CRIM1: variants seen among roughly 807,000 people sequenced by gnomAD.
CRIM1 encodes cysteine-rich motor neuron 1 protein.
A neutral mutation model predicts 116.4 loss-of-function variants in CRIM1; 32 were observed. The observed-to-expected ratio is 0.27, with a 90% CI of 0.21 to 0.37. CRIM1 has a LOEUF of 0.37. CRIM1 is among the 10% of genes least tolerant of loss of function. The probability of loss-of-function intolerance (pLI) is 1.00; values close to 1 mark genes in which losing one functional copy is unlikely to be tolerated. For missense variants in CRIM1, 1,331 were observed against 1,354.8 expected (o/e 0.98, Z 0.28); for synonymous variants, 590 against 509.2 (o/e 1.16, Z -2.13).
intron 15 of CRIM1, among the ~76,000 whole-genome samples, chr2:36,546,577 C>G (rs376838609): frequency 7.9e-5 from 12 of 152,142 alleles, no homozygotes; most frequent in African/African-American, 2.6e-4. Flanking sequence ...TTGTTCTAGT[C>G]TCCTGTTTGC....
chr2:36,498,859 T>A (rs1426694361), intron 7 of CRIM1, among the ~76,000 whole-genome samples: 1 of 152,180 alleles, frequency 6.6e-6, no homozygotes, highest in Admixed American at 6.5e-5. Context: ...TTATAAAAAA[T>A]AAACCGGAAA....
At chr2:36,476,491 T>G (rs935984114) in intron 5 of CRIM1, among the ~76,000 whole-genome samples, 1 of 151,770 alleles carries the variant, frequency 6.6e-6, no homozygotes, top group Non-Finnish European at 1.5e-5. Context: ...CATAATAAAA[T>G]TTTTGAAGCA....
chr2:36,466,312 G>A (rs1472683398), intron 5 of CRIM1, among the ~76,000 whole-genome samples: 7 of 152,042 alleles, frequency 4.6e-5, no homozygotes, highest in African/African-American at 1.7e-4. Flanking sequence ...AAGCATACAG[G>A]AAAGGGGAAC....
Position 36,441,440 on chromosome 2 carries a change from C to G in CRIM1, c.688C>G (p.Leu230Val), listed in dbSNP as rs1247027840. 1.2e-6 allele frequency: 2 copies of G among 1,613,996 alleles called. No individual in the cohort carries two copies. Among genetic ancestry groups the G allele is most frequent in the African/African-American group, 1.3e-5 (1 of 75,058 alleles). The change falls in exon 3 of 17, where the codon CTA becomes GTA. Residue 230 changes from leucine (L) to valine (V), a missense_variant. Transcript: ENST00000280527. ...CTGCCAGCCGGGAAACCTGAACATA[C>G]TAGTGTCAAAAGCCTCAGGGAAGCC... is the stretch of plus-strand genomic sequence containing the variant. ...KVCQPGNLNI[L>V]VSKASGKPGE...
intron 2 of CRIM1, among the ~76,000 whole-genome samples, chr2:36,415,421 A>G (rs569914422): frequency 6.6e-6 from 1 of 152,300 alleles, no homozygotes; most frequent in African/African-American, 2.4e-5. Context: ...ACAGCTCTTC[A>G]GCTTTGTCTT....
At chr2:36,509,418 T>C (rs895699300) in intron 8 of CRIM1, among the ~76,000 whole-genome samples, 1 of 152,124 alleles carries the variant, frequency 6.6e-6, no homozygotes, top group African/African-American at 2.4e-5. Context: ...TCACAGATGC[T>C]TGGGAGGCTG....
chr2:36,537,522 G>A lies in CRIM1; in HGVS notation c.2599G>A (p.Gly867Arg), dbSNP rs150521584. The change falls in exon 14 of 17, where the codon GGA becomes AGA. Residue 867 changes from glycine (G) to arginine (R), a missense_variant. Gly to Arg is a moderately radical substitution (Grantham distance 125). Coordinates refer to ENST00000280527, the MANE Select transcript of CRIM1 (RefSeq NM_016441.3). ...LPCVEPINVE[G>R]SCCPMCPEMY... is the part of the protein sequence containing the mutation. ...CTGTGTTGAGCCCATCAACGTGGAAGGAAGTTGCTGCCCAATGTGTCCAGG... is the reference window on the plus strand; with the variant it reads ...CTGTGTTGAGCCCATCAACGTGGAAAGAAGTTGCTGCCCAATGTGTCCAGG... The A allele has an allele frequency of 3.1e-6, 5 of 1,612,184 alleles. No homozygotes were observed. The highest frequency in any genetic ancestry group is 4.2e-6 in the Non-Finnish European group (5 of 1,179,326).
At chr2:36,364,565 C>G (rs887812263) in intron 1 of CRIM1, among the ~76,000 whole-genome samples, 12 of 152,170 alleles carry the variant, frequency 7.9e-5, no homozygotes, top group African/African-American at 2.9e-4. Flanking sequence ...ACAAGAAAGA[C>G]CTGAGGGTCT....
intron 4 of CRIM1, among the ~76,000 whole-genome samples, chr2:36,448,725 A>G (rs1676450650): frequency 6.6e-6 from 1 of 152,290 alleles, no homozygotes; most frequent in South Asian, 2.1e-4. Flanking sequence ...TCTGTTATCA[A>G]TTTGTTTTAT....
chr2:36,445,208 C>A (rs1269476409), intron 4 of CRIM1, among the ~76,000 whole-genome samples: 3 of 152,140 alleles, frequency 2.0e-5, no homozygotes, highest in Non-Finnish European at 4.4e-5. Context: ...TACCTTCCTG[C>A]CATTGGGTTG....
At chr2:36,442,533 T>C in intron 3 of CRIM1, 82 bp from the exon 4 acceptor site, 1 of 1,553,318 alleles carries the variant, frequency 6.4e-7, no homozygotes, top group Non-Finnish European at 8.9e-7. Flanking sequence ...TGGACATTTG[T>C]CAAGAGCTAG....
At chr2:36,383,978 C>G (rs955780054) in intron 1 of CRIM1, among the ~76,000 whole-genome samples, 2 of 152,124 alleles carry the variant, frequency 1.3e-5, no homozygotes, top group Non-Finnish European at 2.9e-5. Context: ...AAATTCTTAC[C>G]AACTGGAGCT....
chr2:36,545,815 T>G (rs1488994280), intron 15 of CRIM1, among the ~76,000 whole-genome samples: 1 of 152,204 alleles, frequency 6.6e-6, no homozygotes, highest in Non-Finnish European at 1.5e-5. Context: ...CTATTTGATT[T>G]GGAATATGGG....
intron 14 of CRIM1, among the ~76,000 whole-genome samples, chr2:36,541,892 G>C (rs1406621464): frequency 6.6e-6 from 1 of 152,188 alleles, no homozygotes; most frequent in Admixed American, 6.5e-5. Context: ...AAGGCGGCCT[G>C]GGTCTAGGCG....
At chr2:36,543,300 T>TATCA (rs1027385716) in intron 14 of CRIM1, among the ~76,000 whole-genome samples, 27 of 152,340 alleles carry the variant, frequency 1.8e-4, no homozygotes, top group African/African-American at 6.3e-4. Flanking sequence ...CTCTCTTCTC[T>TATCA]ATCACTTTCC....
rs75114103 is a variant in CRIM1, at chr2:36,468,301, G to A, written c.991+3646G>A. Among the ~76,000 whole-genome samples, 1,480 of 152,254 alleles carry A rather than the reference G, an allele frequency of 9.7e-3. 23 individuals carry two copies. The highest frequency in any genetic ancestry group is 0.034 in the African/African-American group (1,427 of 41,536). On this transcript the variant is annotated intron_variant, in intron 5 of 16. Coordinates refer to ENST00000280527, the MANE Select transcript of CRIM1 (RefSeq NM_016441.3). ...TACAATTTTAAAATACACAGAACTCGAAAACTCGTGAGTTTTGAAAACACT... is the reference window on the plus strand; with the variant it reads ...TACAATTTTAAAATACACAGAACTCAAAAACTCGTGAGTTTTGAAAACACT...
At chr2:36,366,643 G>C (rs369625926) in intron 1 of CRIM1, among the ~76,000 whole-genome samples, 8 of 152,210 alleles carry the variant, frequency 5.3e-5, no homozygotes, top group African/African-American at 1.9e-4. Flanking sequence ...AAACATCTCA[G>C]ATTCAAAACA....
intron 2 of CRIM1, among the ~76,000 whole-genome samples, chr2:36,437,267 C>T (rs1442471153): frequency 6.6e-6 from 1 of 151,904 alleles, no homozygotes; most frequent in African/African-American, 2.4e-5. Context: ...CCCAGCTACT[C>T]CGGAGGCTGA....
intron 1 of CRIM1, among the ~76,000 whole-genome samples, chr2:36,390,949 A>C (rs1238849455): frequency 6.6e-6 from 1 of 151,654 alleles, no homozygotes; most frequent in Admixed American, 6.6e-5. Flanking sequence ...AGCTGGGATT[A>C]CAGGCATGCG....
Sources: gnomAD v4.1 joint callset for allele counts (sites outside exome capture counted in the v4.1 genomes callset) on GRCh38, gnomAD v4.1.1 for gene constraint, MANE v1.5 for transcripts, NCBI Gene and HGNC (gene_info 2026-07-23, HGNC 2026-07-21) for gene names.